Variants in ATG3 observed in about 807,000 individuals in gnomAD.
ATG3 encodes the protein ubiquitin-like-conjugating enzyme ATG3.
In ATG3, 25 loss-of-function variants were observed where a neutral mutation model predicts 50.7. The observed-to-expected ratio is 0.49, with a 90% confidence interval of 0.36 to 0.69. The LOEUF is 0.69. ATG3 is among the 30% of genes least tolerant of loss of function. The pLI is 0.00. For synonymous variants in ATG3, 119 were observed against 125.5 expected, an observed-to-expected ratio of 0.95 and a Z score of 0.34; for missense variants, 281 against 376.0, an observed-to-expected ratio of 0.75 and a Z score of 2.09.
chr3:112,557,434 A>G (rs943305537), intron 2 of ATG3, among the ~76,000 whole-genome samples: 3 of 152,220 alleles, frequency 2.0e-5, no homozygotes, highest in African/African-American at 7.2e-5. Flanking sequence ...TCTGGCCAAC[A>G]TGGTGAAACC....
At chr3:112,544,539 C>T (rs1576719566) in intron 5 of ATG3, among the ~76,000 whole-genome samples, 1 of 150,650 alleles carries the variant, frequency 6.6e-6, no homozygotes, top group Non-Finnish European at 1.5e-5. Flanking sequence ...CTGTAGTCCC[C>T]GCTACTTGGG....
chr3:112,536,938 A>G (rs1933070891), intron 9 of ATG3, among the ~76,000 whole-genome samples: 1 of 19,450 alleles, frequency 5.1e-5, no homozygotes, highest in African/African-American at 6.3e-5. Flanking sequence ...AAAAAAAAAA[A>G]AAAAAAAAAA....
chr3:112,536,025 T>C (rs1474624210), intron 10 of ATG3: 2 of 164,566 alleles, frequency 1.2e-5, no homozygotes, highest in Admixed American at 1.2e-4. Flanking sequence ...CATACATCCA[T>C]ATATCTCCCT....
chr3:112,536,064 G>C (rs972129680), intron 10 of ATG3: 1 of 165,784 alleles, frequency 6.0e-6, no homozygotes, highest in Admixed American at 6.1e-5. Context: ...AAGCAAATAG[G>C]TCACCTAGAA....
intron 9 of ATG3, 33 bp downstream of exon 9, chr3:112,537,702 T>C (rs1014409068): frequency 2.7e-6 from 4 of 1,458,376 alleles, no homozygotes; most frequent in African/African-American, 1.5e-5. Flanking sequence ...ATTTAAAATA[T>C]TGATATTAAA....
chr3:112,557,572 C>G (rs773308057), intron 2 of ATG3, among the ~76,000 whole-genome samples: 7 of 152,006 alleles, frequency 4.6e-5, no homozygotes, highest in Non-Finnish European at 8.8e-5. Flanking sequence ...GAGCCAAGAT[C>G]GCGCCACTGT....
At chr3:112,542,293 C>A (rs1933253267) in intron 6 of ATG3, among the ~76,000 whole-genome samples, 2 of 152,084 alleles carry the variant, frequency 1.3e-5, no homozygotes, top group Non-Finnish European at 2.9e-5. Context: ...ATAAATCAAA[C>A]ACTATTACAT....
At chr3:112,537,703 T>G (rs73853442) in intron 9 of ATG3, 32 bp downstream of exon 9, 5 of 1,462,100 alleles carry the variant, frequency 3.4e-6, no homozygotes, top group Non-Finnish European at 4.6e-6. Context: ...TTTAAAATAT[T>G]GATATTAAAA....
chr3:112,555,109 T>C (rs1239933668), intron 2 of ATG3, among the ~76,000 whole-genome samples: 1 of 152,220 alleles, frequency 6.6e-6, no homozygotes, highest in Non-Finnish European at 1.5e-5. Context: ...TTTCATTGTA[T>C]TGCCTTGAGG....
chr3:112,550,675 A>G (rs1933503783), intron 3 of ATG3, among the ~76,000 whole-genome samples: 1 of 152,224 alleles, frequency 6.6e-6, no homozygotes, highest in Non-Finnish European at 1.5e-5. Flanking sequence ...AAGGCAGAAA[A>G]AAAAGCTGCA....
At chr3:112,546,505 A>C (rs1306965722) in intron 5 of ATG3, among the ~76,000 whole-genome samples, 4 of 152,262 alleles carry the variant, frequency 2.6e-5, no homozygotes, top group Admixed American at 2.6e-4. Flanking sequence ...TTGGCACTTA[A>C]TATTTTTGGA....
intron 7 of ATG3, among the ~76,000 whole-genome samples, chr3:112,540,518 A>G (rs1205768906): frequency 6.6e-6 from 1 of 152,148 alleles, no homozygotes; most frequent in African/African-American, 2.4e-5. Flanking sequence ...CAACTCTCAC[A>G]AAGTACTGGA....
At chr3:112,547,146 T>G (rs753163994) in intron 5 of ATG3, among the ~76,000 whole-genome samples, 2 of 152,226 alleles carry the variant, frequency 1.3e-5, no homozygotes, top group African/African-American at 4.8e-5. Context: ...CAGCAATTTC[T>G]GGAGGCATTT....
intron 7 of ATG3, among the ~76,000 whole-genome samples, chr3:112,538,793 A>G (rs1025306866): frequency 6.6e-6 from 1 of 152,120 alleles, no homozygotes; most frequent in African/African-American, 2.4e-5. Context: ...AATACTGATG[A>G]CTTTCAAATT....
At chr3:112,547,342 A>AT (rs1485551020) in intron 5 of ATG3, among the ~76,000 whole-genome samples, 1 of 152,084 alleles carries the variant, frequency 6.6e-6, no homozygotes, top group Non-Finnish European at 1.5e-5. Context: ...GGAGAAAAAC[A>AT]TATTTAGTAT....
intron 10 of ATG3, chr3:112,536,220 C>T (rs1933039989): frequency 2.7e-6 from 1 of 375,966 alleles, no homozygotes; most frequent in South Asian, 3.1e-5. Flanking sequence ...TCACAAAGAT[C>T]CATCTATTCT....
chr3:112,553,925 G>A (rs999381600), intron 2 of ATG3, among the ~76,000 whole-genome samples: 1 of 152,074 alleles, frequency 6.6e-6, no homozygotes, highest in African/African-American at 2.4e-5. Flanking sequence ...AAGCTTTTTG[G>A]TCTCACTCTG....
chr3:112,540,794 CA>C (rs1292232579), intron 7 of ATG3, among the ~76,000 whole-genome samples: 1 of 151,986 alleles, frequency 6.6e-6, no homozygotes, highest in Admixed American at 6.6e-5. Context: ...TTAACAGAAT[CA>C]ATGCAGAAAA....
In ATG3 at chr3:112,561,932, C is replaced by G. The variant is rs1474161501; in HGVS notation, c.-404G>C. 9.0e-6 allele frequency: 2 copies of G among 221,602 alleles called. No homozygotes were observed. The highest frequency in any genetic ancestry group is 1.7e-4 in the East Asian group (1 of 5,866). The allele number at this position is 221,602 out of a possible 1,614,324, so 13.7% of individuals were successfully genotyped here. A position where few individuals can be genotyped will look rare whatever the true frequency, so the allele number is the denominator to read the frequency against. ...CTTCCTTCTCACTCTCTTGCCGTAG[C>G]TGCGCCGCCACCGGGGCCTCACGTG... On this transcript the variant is annotated 5_prime_UTR_variant, in exon 1 of 12. Transcript: ENST00000283290.
Sources: gnomAD v4.1 joint callset for allele counts (sites outside exome capture counted in the v4.1 genomes callset) on GRCh38, gnomAD v4.1.1 for gene constraint, MANE v1.5 for transcripts, NCBI Gene and HGNC (gene_info 2026-07-23, HGNC 2026-07-21) for gene names.